The following ASCC3 variants were observed in gnomAD, a reference collection of about 807,000 sequenced individuals.
The protein encoded by ASCC3 is activating signal cointegrator 1 complex subunit 3.
Under a neutral mutation model 256.3 loss-of-function variants are expected in ASCC3, and 158 were observed. The ratio of observed to expected loss-of-function variants is 0.62; its 90% CI spans 0.54 to 0.70. The LOEUF is 0.70. Among genes scored for constraint, ASCC3 ranks in the 30% least tolerant of loss-of-function variants. The pLI, the probability that ASCC3 is intolerant of heterozygous loss-of-function variation, is 0.00. For missense variants in ASCC3, 2,259 were observed against 2,626.0 expected (o/e 0.86, Z 3.05); for synonymous variants, 948 against 883.4 (o/e 1.07, Z -1.30).
At chr6:100,605,168 C>T (rs1160049659) in intron 33 of ASCC3, among the ~76,000 whole-genome samples, 5 of 152,106 alleles carry the variant, frequency 3.3e-5, no homozygotes, top group Non-Finnish European at 7.4e-5. Flanking sequence ...GTGATAGACA[C>T]TGTTCTAAGC....
chr6:100,572,119 C>CA (rs1770622110), intron 36 of ASCC3, among the ~76,000 whole-genome samples: 2 of 152,110 alleles, frequency 1.3e-5, no homozygotes, highest in African/African-American at 4.8e-5. Context: ...TATCCCCCCC[C>CA]ATTAATATGT....
chr6:100,609,154 A>G (rs1773262979), intron 30 of ASCC3, among the ~76,000 whole-genome samples: 1 of 151,878 alleles, frequency 6.6e-6, no homozygotes, highest in Admixed American at 6.6e-5. Flanking sequence ...TCGGTCCCTT[A>G]TGTTTTGTTG....
chr6:100,805,638 G>A lies in ASCC3; in HGVS notation c.922+122C>T. 5 of 1,173,750 alleles carry A rather than the reference G, an allele frequency of 4.3e-6. No homozygotes were observed. The South Asian group carries it at 7.3e-5, about 17-fold the overall frequency. The allele number at this position is 1,173,750 out of a possible 1,614,324, so 72.7% of individuals were successfully genotyped here. On this transcript the variant is annotated intron_variant, in intron 5 of 41. Transcript: ENST00000369162. ...TGCCATATCTAAAATCTATTTAACA[G>A]AGTAATATCAGTAAATTATATAACA...
chr6:100,629,001 A>T lies in ASCC3; in HGVS notation c.4375+14T>A. 1 of 1,609,400 alleles carries T rather than the reference A, an allele frequency of 6.2e-7. No homozygotes were observed. The highest frequency in any genetic ancestry group is 1.1e-5 in the South Asian group (1 of 90,290). ...TAAAGTTTGTAAACTGGCTTTAGATACAGTGGTACCTACCAAGCAGATGGA... is the reference window on the plus strand; with the variant it reads ...TAAAGTTTGTAAACTGGCTTTAGATTCAGTGGTACCTACCAAGCAGATGGA... On this transcript the variant is annotated intron_variant, in intron 27 of 41. Transcript: ENST00000369162.
intron 8 of ASCC3, among the ~76,000 whole-genome samples, chr6:100,782,044 T>C (rs1427076650): frequency 6.6e-6 from 1 of 152,112 alleles, no homozygotes; most frequent in Non-Finnish European, 1.5e-5. Context: ...AGAGACTTTA[T>C]AAAAATTACT....
At chr6:100,740,875 T>C (rs1582791612) in intron 10 of ASCC3, among the ~76,000 whole-genome samples, 2 of 152,362 alleles carry the variant, frequency 1.3e-5, no homozygotes, top group African/African-American at 4.8e-5. Flanking sequence ...TGTCTTTTAA[T>C]TGGGGCTTTT....
At chr6:100,709,152 C>T (rs1778749707) in intron 13 of ASCC3, among the ~76,000 whole-genome samples, 1 of 152,102 alleles carries the variant, frequency 6.6e-6, no homozygotes, top group Admixed American at 6.6e-5. Context: ...TGTTTTAATT[C>T]ATTGGGTATA....
In ASCC3 at chr6:100,765,057, A is replaced by T. The variant is rs149707923; in HGVS notation, c.1737+1508T>A. Among the ~76,000 whole-genome samples, 923 of 152,300 alleles carry T rather than the reference A, an allele frequency of 6.1e-3. 7 individuals are homozygous for T. The highest frequency in any genetic ancestry group is 0.01 in the Middle Eastern group (3 of 294). On this transcript the variant is annotated intron_variant, in intron 10 of 41. Coordinates refer to ENST00000369162, the MANE Select transcript of ASCC3 (RefSeq NM_006828.4). ...GCAGAGCTTGGAGTGATGAATCTAC[A>T]AACCAAAGAATGCCAAAAATTTCCA...
intron 10 of ASCC3, among the ~76,000 whole-genome samples, chr6:100,745,158 C>T (rs1780603131): frequency 6.6e-6 from 1 of 152,168 alleles, no homozygotes; most frequent in Admixed American, 6.5e-5. Flanking sequence ...GAAAACCCAT[C>T]TCTACTAAAA....
At chr6:100,799,397 A>G (rs1050520697) in intron 7 of ASCC3, 34 bp downstream of exon 7, 1 of 1,605,470 alleles carries the variant, frequency 6.2e-7, no homozygotes, top group Admixed American at 1.7e-5. Context: ...GAATAGACAT[A>G]TTATTGAACA....
chr6:100,782,411 T>TGCCACAAATAAATACTTTCTAGTG (rs1437877301), intron 8 of ASCC3, among the ~76,000 whole-genome samples: 17 of 152,206 alleles, frequency 1.1e-4, no homozygotes, highest in African/African-American at 4.1e-4. Context: ...TGAAATCCAA[T>TGCCACAAATAAATACTTTCTAGTG]GCCACAAATA....
At chr6:100,853,047 G>A (rs1013666434) in intron 3 of ASCC3, among the ~76,000 whole-genome samples, 2 of 150,824 alleles carry the variant, frequency 1.3e-5, no homozygotes, top group African/African-American at 4.9e-5. Context: ...TTAAGTAGCA[G>A]AGCATGATCA....
intron 14 of ASCC3, among the ~76,000 whole-genome samples, chr6:100,674,117 A>AT (rs1248035379): frequency 6.6e-6 from 1 of 152,074 alleles, no homozygotes; most frequent in East Asian, 1.9e-4. Flanking sequence ...AAGGTCTGGA[A>AT]TAAGACCCTT....
At chr6:100,812,618 G>T (rs1227924898) in intron 4 of ASCC3, among the ~76,000 whole-genome samples, 1 of 152,172 alleles carries the variant, frequency 6.6e-6, no homozygotes, top group African/African-American at 2.4e-5. Flanking sequence ...AAGACAGATG[G>T]ATATTATGAC....
At chr6:100,808,141 CTGA>C (rs1770279947) in intron 4 of ASCC3, among the ~76,000 whole-genome samples, 1 of 151,872 alleles carries the variant, frequency 6.6e-6, no homozygotes, top group African/African-American at 2.4e-5. Flanking sequence ...TAAGACTTTT[CTGA>C]TGATACCAGT....
intron 14 of ASCC3, among the ~76,000 whole-genome samples, chr6:100,663,700 C>T (rs936643063): frequency 6.6e-6 from 1 of 152,036 alleles, no homozygotes; most frequent in Non-Finnish European, 1.5e-5. Flanking sequence ...GTAAGAGCAA[C>T]AAATCTTCTA....
rs778344939 is a variant in ASCC3, at chr6:100,509,389, C to G, written c.6606G>C (p.Lys2202Asn). Residue 2202 changes from lysine to asparagine, a missense_variant, in exon 42 of 42, where the codon AAG becomes AAC. By Grantham distance (94) the Lys-to-Asn change is moderately conservative (BLOSUM62 0). Transcript: ENST00000369162. The part of the protein sequence containing the change: ...VSDSLTDLAL[K>N] ...CAAATGGATTGTTCAGGTCAAGTTA[C>G]TTTAATGCCAGGTCAGTCAGGGAAT... is the stretch of plus-strand genomic sequence containing the variant. 7 of 1,614,140 alleles carry G rather than the reference C, an allele frequency of 4.3e-6. No individual in the cohort carries two copies. The highest frequency in any genetic ancestry group is 1.7e-4 in the Middle Eastern group (1 of 6,054).
intron 3 of ASCC3, among the ~76,000 whole-genome samples, chr6:100,850,920 T>C (rs1772635363): frequency 6.6e-6 from 1 of 152,184 alleles, no homozygotes; most frequent in Non-Finnish European, 1.5e-5. Context: ...ATAGAACTGA[T>C]ACTAAAGTCT....
chr6:100,805,667 C>T, intron 5 of ASCC3, 93 bp downstream of exon 5: 1 of 1,442,758 alleles, frequency 6.9e-7, no homozygotes, highest in South Asian at 1.2e-5. Context: ...TATAACAGAC[C>T]AAAACATATT....
Sources: allele counts gnomAD v4.1 joint callset (sites outside exome capture counted in the v4.1 genomes callset), GRCh38; gene constraint gnomAD v4.1.1; transcripts MANE v1.5; gene names NCBI Gene and HGNC (gene_info 2026-07-23, HGNC 2026-07-21).